The following ARHGEF7 variants were observed in gnomAD, a reference collection of about 807,000 sequenced individuals.
The protein encoded by ARHGEF7 is PAK-interacting exchange factor beta.
Under a neutral mutation model 109.8 loss-of-function variants are expected in ARHGEF7, and 33 were observed. The ratio of observed to expected loss-of-function variants is 0.30; its 90% CI spans 0.23 to 0.40. ARHGEF7 has a LOEUF of 0.40. Ranked by LOEUF, ARHGEF7 falls within the 10% of genes least tolerant of loss-of-function variation. The probability of loss-of-function intolerance (pLI) is 1.00; values close to 1 mark genes in which losing one functional copy is unlikely to be tolerated. For synonymous variants in ARHGEF7, 458 were observed against 424.6 expected (o/e 1.08, Z -0.97); for missense variants, 938 against 1,098.5 (o/e 0.85, Z 2.07).
At chr13:111,282,704 A>G (rs1464232605) in intron 15 of ARHGEF7, 1 of 194,812 alleles carries the variant, frequency 5.1e-6, no homozygotes, top group Non-Finnish European at 1.0e-5. Flanking sequence ...TTCGCCCAGT[A>G]CTTTATCACC....
chr13:111,293,546 T>C (rs1384593066), intron 19 of ARHGEF7: 1 of 985,170 alleles, frequency 1.0e-6, no homozygotes, highest in Non-Finnish European at 1.2e-6. Flanking sequence ...TGTGACCTGT[T>C]GCATTCAGTT....
intron 15 of ARHGEF7, 114 bp downstream of exon 15, chr13:111,280,791 C>T: frequency 2.5e-6 from 3 of 1,209,808 alleles, no homozygotes; most frequent in South Asian, 1.7e-5. Flanking sequence ...ATAAAAAGTG[C>T]AAAACACTTG....
At chr13:111,277,742 G>A (rs1035840012) in intron 13 of ARHGEF7, 69 bp downstream of exon 13, 4 of 1,116,440 alleles carry the variant, frequency 3.6e-6, no homozygotes, top group Non-Finnish European at 5.4e-6. Context: ...TTTGAATTTT[G>A]TGTTAAATAT....
intron 1 of ARHGEF7, among the ~76,000 whole-genome samples, chr13:111,148,034 C>T (rs560754065): frequency 3.9e-5 from 6 of 152,310 alleles, no homozygotes; most frequent in Admixed American, 1.3e-4. Context: ...TCTAGCCCTG[C>T]CCTATCTCTG....
At chr13:111,300,577 G>C (rs1022783278) in intron 19 of ARHGEF7, among the ~76,000 whole-genome samples, 171 bp from the exon 20 acceptor site, 1 of 152,228 alleles carries the variant, frequency 6.6e-6, no homozygotes, top group Non-Finnish European at 1.5e-5. Flanking sequence ...GGTAGACAGA[G>C]GTGAAGAGAA....
At chr13:111,136,502 C>T (rs1371809855) in intron 1 of ARHGEF7, among the ~76,000 whole-genome samples, 5 of 152,202 alleles carry the variant, frequency 3.3e-5, no homozygotes, top group African/African-American at 1.2e-4. Context: ...CTACTGGGTA[C>T]ATAACAAAAT....
At position 111,152,530 on chromosome 13, in the gene ARHGEF7, T is replaced by A. The variant is rs1441520037; in HGVS notation, c.166-1375T>A. On this transcript the variant is annotated intron_variant, in intron 1 of 21. Transcript: ENST00000646102. ...CAACTATAGAAAGAAAAAAGCTTCA[T>A]TTCATCCCTTTTGGCATTGCTGAAC... 2.6e-5 allele frequency among the ~76,000 whole-genome samples: 4 copies of A among 152,356 alleles called. No homozygotes were observed. In the East Asian group the frequency reaches 7.7e-4, roughly 29 times the overall value.
At chr13:111,213,728 A>G (rs2082772538) in intron 4 of ARHGEF7, among the ~76,000 whole-genome samples, 1 of 152,186 alleles carries the variant, frequency 6.6e-6, no homozygotes, top group African/African-American at 2.4e-5. Flanking sequence ...TTTTTAAAAA[A>G]GGGAAAAAAA....
chr13:111,231,222 G>T (rs1211205608), intron 5 of ARHGEF7, among the ~76,000 whole-genome samples: 2 of 152,208 alleles, frequency 1.3e-5, no homozygotes, highest in African/African-American at 4.8e-5. Context: ...TTTTTCCTCA[G>T]ATGAAAACAT....
chr13:111,193,056 C>T (rs1172618136), intron 2 of ARHGEF7, among the ~76,000 whole-genome samples: 1 of 152,144 alleles, frequency 6.6e-6, no homozygotes, highest in Non-Finnish European at 1.5e-5. Context: ...TCAGATGGTC[C>T]GGAGGAGATT....
chr13:111,197,448 A>G (rs2080664673), intron 2 of ARHGEF7, among the ~76,000 whole-genome samples: 1 of 152,194 alleles, frequency 6.6e-6, no homozygotes, highest in Non-Finnish European at 1.5e-5. Flanking sequence ...ATCAGATTTA[A>G]TGACCCTTAC....
At chr13:111,143,725 T>C (rs1381384712) in intron 1 of ARHGEF7, 1 of 152,248 alleles carries the variant, frequency 6.6e-6, no homozygotes, top group East Asian at 1.9e-4. Flanking sequence ...TGGCTGCCGA[T>C]GGAAGTGGCG....
chr13:111,282,908 G>A (rs1343265917), intron 15 of ARHGEF7: 3 of 633,518 alleles, frequency 4.7e-6, no homozygotes, highest in Non-Finnish European at 8.1e-6. Context: ...TGCCCCTCCT[G>A]TCTGGGGCAG....
At chr13:111,295,314 C>A in intron 19 of ARHGEF7, 2 of 517,434 alleles carry the variant, frequency 3.9e-6, no homozygotes, top group Non-Finnish European at 2.5e-6. Context: ...ATAGATAGAA[C>A]CCTTCTGTCT....
intron 1 of ARHGEF7, among the ~76,000 whole-genome samples, chr13:111,138,183 C>T (rs951091475): frequency 6.6e-6 from 1 of 152,146 alleles, no homozygotes; most frequent in African/African-American, 2.4e-5. Context: ...TGTGGTAGCA[C>T]ATGCCTGTAA....
At position 111,191,471 on chromosome 13, in the gene ARHGEF7, G is replaced by A. The variant is rs145873293; in HGVS notation, c.253-13818G>A. Among the ~76,000 whole-genome samples the A allele has an allele frequency of 6.7e-3, 1,021 of 152,292 alleles. 10 individuals are homozygous for A. Among genetic ancestry groups the A allele is most frequent in the African/African-American group, 0.023 (939 of 41,544 alleles). ...GGTATTCTTGGTCTTATCAGAGATG[G>A]GGAAGTTGGCTAATGATTGCATATT... On this transcript the variant is annotated intron_variant, in intron 2 of 21. Transcript: ENST00000646102.
chr13:111,135,476 T>A (rs2075041678), intron 1 of ARHGEF7, among the ~76,000 whole-genome samples: 1 of 152,244 alleles, frequency 6.6e-6, no homozygotes, highest in Non-Finnish European at 1.5e-5. Context: ...TTTATTTCGT[T>A]GAGCAGTGGT....
intron 4 of ARHGEF7, among the ~76,000 whole-genome samples, chr13:111,212,933 C>G (rs1435585886): frequency 6.6e-6 from 1 of 152,092 alleles, no homozygotes; most frequent in Non-Finnish European, 1.5e-5. Context: ...CATGAGGAAA[C>G]TGAAGCTTAG....
At chr13:111,169,770 C>A (rs1013101893) in intron 2 of ARHGEF7, among the ~76,000 whole-genome samples, 1 of 152,156 alleles carries the variant, frequency 6.6e-6, no homozygotes, top group Non-Finnish European at 1.5e-5. Context: ...ATTTAATGAT[C>A]ACCTCTGTTT....
Sources: allele counts gnomAD v4.1 joint callset (sites outside exome capture counted in the v4.1 genomes callset), GRCh38; gene constraint gnomAD v4.1.1; transcripts MANE v1.5; gene names NCBI Gene and HGNC (gene_info 2026-07-23, HGNC 2026-07-21).